Variants in GFRA2 observed in about 807,000 individuals in gnomAD.
GFRA2 encodes the protein GDNF family receptor alpha-2.
In GFRA2, 17 loss-of-function variants were observed where a neutral mutation model predicts 48.3. The observed-to-expected ratio is 0.35, with a 90% CI of 0.24 to 0.53. The LOEUF (loss-of-function observed/expected upper bound fraction) is 0.53. GFRA2 is among the 20% of genes least tolerant of loss of function. The pLI is 0.93. For missense variants in GFRA2, 660 were observed against 637.3 expected, an observed-to-expected ratio of 1.04 and a Z score of -0.38; for synonymous variants, 305 against 257.2, an observed-to-expected ratio of 1.19 and a Z score of -1.78.
intron 6 of GFRA2, among the ~76,000 whole-genome samples, chr8:21,703,427 G>T (rs1417312429): frequency 6.6e-6 from 1 of 151,858 alleles, no homozygotes; most frequent in Non-Finnish European, 1.5e-5. Flanking sequence ...GGCATGCAGG[G>T]GTCCCACATT....
chr8:21,714,449 G>A (rs942489919), intron 4 of GFRA2, among the ~76,000 whole-genome samples: 4 of 151,294 alleles, frequency 2.6e-5, no homozygotes, highest in South Asian at 2.1e-4. Flanking sequence ...ATAGGGTTTC[G>A]CCATGTTGCC....
chr8:21,800,047 G>C (rs913751650), intron 2 of GFRA2, among the ~76,000 whole-genome samples: 3 of 152,206 alleles, frequency 2.0e-5, no homozygotes, highest in African/African-American at 7.2e-5. Context: ...CACCAAATGA[G>C]TCTGCTCTCC....
intron 3 of GFRA2, among the ~76,000 whole-genome samples, chr8:21,771,914 A>G (rs1423391481): frequency 2.0e-5 from 3 of 152,046 alleles, no homozygotes; most frequent in Non-Finnish European, 4.4e-5. Context: ...ATGCAGTCCT[A>G]TGGGGTGGCA....
chr8:21,759,814 G>A (rs772253087), intron 3 of GFRA2, among the ~76,000 whole-genome samples: 15 of 150,918 alleles, frequency 9.9e-5, no homozygotes, highest in East Asian at 3.9e-4. Flanking sequence ...GCTTGAAGCC[G>A]GGAGGCAGAG....
At chr8:21,782,128 T>A (rs1807022586) in intron 2 of GFRA2, among the ~76,000 whole-genome samples, 2 of 152,118 alleles carry the variant, frequency 1.3e-5, no homozygotes, top group Admixed American at 1.3e-4. Context: ...CGGAAGTGGC[T>A]GGTTTCTCAG....
At chr8:21,725,262 C>T (rs1202409521) in intron 4 of GFRA2, among the ~76,000 whole-genome samples, 3 of 152,222 alleles carry the variant, frequency 2.0e-5, no homozygotes, top group Admixed American at 1.3e-4. Context: ...GAGCTCCTGA[C>T]AAAGAGTGAG....
At chr8:21,694,965 T>A (rs1312094694) in intron 7 of GFRA2, among the ~76,000 whole-genome samples, 1 of 152,170 alleles carries the variant, frequency 6.6e-6, no homozygotes, top group African/African-American at 2.4e-5. Context: ...AAGAGCCAAC[T>A]CCTGTTAATT....
intron 4 of GFRA2, among the ~76,000 whole-genome samples, chr8:21,714,246 C>CTATTTTT (rs1554487215): frequency 6.4e-5 from 5 of 78,400 alleles, no homozygotes; most frequent in Non-Finnish European, 8.9e-5. Context: ...GTCTGAAGTT[C>CTATTTTT]TTTTTTTTTT....
At chr8:21,765,061 T>A (rs373964562) in intron 3 of GFRA2, among the ~76,000 whole-genome samples, 149 of 152,302 alleles carry the variant, frequency 9.8e-4, no homozygotes, top group African/African-American at 3.5e-3. Flanking sequence ...GGGCTGCATC[T>A]GACCAGGCTA....
intron 7 of GFRA2, among the ~76,000 whole-genome samples, chr8:21,698,270 G>A (rs1802307614): frequency 1.3e-5 from 2 of 152,190 alleles, no homozygotes; most frequent in East Asian, 3.8e-4. Context: ...TGTGCTGTGG[G>A]TGCCCCAGAA....
intron 4 of GFRA2, among the ~76,000 whole-genome samples, chr8:21,736,085 T>C (rs1420380158): frequency 6.6e-6 from 1 of 152,174 alleles, no homozygotes; most frequent in African/African-American, 2.4e-5. Context: ...CCAAGAGCTC[T>C]CTGAGGGTCT....
At chr8:21,728,826 C>T (rs1804026729) in intron 4 of GFRA2, among the ~76,000 whole-genome samples, 1 of 152,218 alleles carries the variant, frequency 6.6e-6, no homozygotes, top group Non-Finnish European at 1.5e-5. Flanking sequence ...GGTACGTATG[C>T]ACGGTTTGAC....
intron 1 of GFRA2, among the ~76,000 whole-genome samples, chr8:21,787,297 C>G (rs1807331290): frequency 6.8e-6 from 1 of 147,914 alleles, no homozygotes; most frequent in African/African-American, 2.5e-5. Context: ...GCAGAAGGAG[C>G]AGTGGTCTTT....
chr8:21,697,549 A>G (rs1240562268), intron 7 of GFRA2, among the ~76,000 whole-genome samples: 1 of 152,084 alleles, frequency 6.6e-6, no homozygotes, highest in Non-Finnish European at 1.5e-5. Context: ...GGCAGAGAGA[A>G]AGAGAGACCA....
chr8:21,769,766 G>A (rs1806359023), intron 3 of GFRA2, among the ~76,000 whole-genome samples: 1 of 152,162 alleles, frequency 6.6e-6, no homozygotes, highest in Non-Finnish European at 1.5e-5. Context: ...CCATGATAAA[G>A]GACAAAGTGC....
intron 3 of GFRA2, among the ~76,000 whole-genome samples, chr8:21,756,032 A>T (rs1805551745): frequency 6.6e-6 from 1 of 152,226 alleles, no homozygotes; most frequent in South Asian, 2.1e-4. Flanking sequence ...GGAGGAGTGG[A>T]GCGGCCGGGG....
At chr8:21,811,668 C>T (rs905667988) in intron 1 of GFRA2, among the ~76,000 whole-genome samples, 12 of 152,092 alleles carry the variant, frequency 7.9e-5, no homozygotes, top group African/African-American at 2.7e-4. Context: ...GTCCTCCCCC[C>T]GCCTTCCCCA....
At chr8:21,738,626 T>C (rs565388256) in intron 4 of GFRA2, among the ~76,000 whole-genome samples, 2 of 152,210 alleles carry the variant, frequency 1.3e-5, no homozygotes, top group East Asian at 1.9e-4. Context: ...GGGTCCCTCT[T>C]TCCTCTGGGG....
intron 2 of GFRA2, among the ~76,000 whole-genome samples, chr8:21,802,555 G>GT (rs1443102746): frequency 6.6e-6 from 1 of 152,004 alleles, no homozygotes; most frequent in Non-Finnish European, 1.5e-5. Context: ...AGGTCTCTCT[G>GT]TGTTGCCCAG....
Sources: gnomAD v4.1 joint callset for allele counts (sites outside exome capture counted in the v4.1 genomes callset) on GRCh38, gnomAD v4.1.1 for gene constraint, MANE v1.5 for transcripts, NCBI Gene and HGNC (gene_info 2026-07-23, HGNC 2026-07-21) for gene names.